INHBE: variants seen among roughly 807,000 people sequenced by gnomAD.
INHBE encodes the protein inhibin beta E chain.
Under a neutral mutation model 27.8 loss-of-function variants are expected in INHBE, and 19 were observed. The observed-to-expected ratio is 0.68, with a 90% CI of 0.48 to 1.00. The LOEUF (loss-of-function observed/expected upper bound fraction) is 1.00. Among genes scored for constraint, INHBE ranks in the 50% least tolerant of loss-of-function variants. The pLI is 0.00. For missense variants in INHBE, 398 were observed against 433.9 expected (o/e 0.92, Z 0.73); for synonymous variants, 196 against 187.2 (o/e 1.05, Z -0.38).
rs1425232952 is a variant in INHBE, at chr12:57,457,912, T to C, written c.*1064T>C. On this transcript the variant is annotated 3_prime_UTR_variant, in exon 2 of 2. Coordinates refer to ENST00000266646, the MANE Select transcript of INHBE (RefSeq NM_031479.5). ...TTTCATAATAATACTAACATGTTAT[T>C]TGCCTTTTGAATTCTCATTATCTTA... 6.6e-6 allele frequency: 1 copy of C among 152,246 alleles called. No individual in the cohort carries two copies. Among genetic ancestry groups the C allele is most frequent in the African/African-American group, 2.4e-5 (1 of 41,460 alleles). The allele number at this position is 152,246 out of a possible 1,614,324, so 9.4% of individuals were successfully genotyped here.
At position 57,456,982 on chromosome 12, in the gene INHBE, C is replaced by A; in HGVS notation, c.*134C>A. 1 of 1,019,552 alleles carries A rather than the reference C, an allele frequency of 9.8e-7. No homozygotes were observed. Among genetic ancestry groups the A allele is most frequent in the Non-Finnish European group, 1.4e-6 (1 of 706,658 alleles). The allele number at this position is 1,019,552 out of a possible 1,614,324, so 63.2% of individuals were successfully genotyped here. On this transcript the variant is annotated 3_prime_UTR_variant, in exon 2 of 2. Coordinates refer to ENST00000266646, the MANE Select transcript of INHBE (RefSeq NM_031479.5). ...CCACCTGGCAATATGACTCACTTGA[C>A]CCCTATGGGACCCAAATGGGCACTT...
rs1215429419 is a variant in INHBE at position 57,457,419 on chromosome 12, A to G, written c.*571A>G. On this transcript the variant is annotated 3_prime_UTR_variant, in exon 2 of 2. Coordinates refer to ENST00000266646, the MANE Select transcript of INHBE (RefSeq NM_031479.5). ...TCCCTGGTTTTTCCCAGGGGACAGG[A>G]CCCACTGGGAGACAAGCATTTATAC... 2.0e-5 allele frequency: 3 copies of G among 152,270 alleles called. No homozygotes were observed. Among genetic ancestry groups the G allele is most frequent in the African/African-American group, 7.3e-5 (3 of 41,370 alleles). 9.4% of individuals were successfully genotyped at this position (152,270 alleles called of 1,614,324 possible). A position where few individuals can be genotyped will look rare whatever the true frequency, so the allele number is the denominator to read the frequency against.
chr12:57,455,827 T>C lies in INHBE; in HGVS notation c.291T>C (p.Thr97=), dbSNP rs1870815690. 6 of 1,613,424 alleles carry C rather than the reference T, an allele frequency of 3.7e-6. No homozygotes were observed. Among genetic ancestry groups the C allele is most frequent in the Non-Finnish European group, 5.1e-6 (6 of 1,179,704 alleles). Reference sequence around the variant, plus strand: ...GGGAGGAGGTCATCAGCTTTGCTACTGTCACAGGTGGGTGAGGGAGAGAGC... The same window carrying C: ...GGGAGGAGGTCATCAGCTTTGCTACCGTCACAGGTGGGTGAGGGAGAGAGC... ...GNGEEVISFA[T]VTDSTSAYSS... is the part of the protein sequence containing the mutation. The change falls in exon 1 of 2, where the codon ACT becomes ACC. Residue 97 remains threonine (T), a synonymous_variant. Coordinates refer to ENST00000266646, the MANE Select transcript of INHBE (RefSeq NM_031479.5).
In INHBE at chr12:57,455,484, A is replaced by G; in HGVS notation, c.-53A>G. 2.6e-6 allele frequency: 4 copies of G among 1,541,424 alleles called. No homozygotes were observed. In the Admixed American group the frequency reaches 7.1e-5, roughly 28 times the overall value. On this transcript the variant is annotated 5_prime_UTR_variant, in exon 1 of 2. Coordinates refer to ENST00000266646, the MANE Select transcript of INHBE (RefSeq NM_031479.5). ...TTGGCCCCCAGCAATCAGACTCAAC[A>G]GACGGAGCAACTGCCATCCGAGGCT...
rs778794069 is a variant in INHBE, at chr12:57,456,695, C to A, written c.900C>A (p.Ser300Arg). The change falls in exon 2 of 2, where the codon AGC becomes AGA. Residue 300 changes from serine (S) to arginine (R), a missense_variant. Ser to Arg is a moderately radical substitution (Grantham distance 110). Coordinates refer to ENST00000266646, the MANE Select transcript of INHBE (RefSeq NM_031479.5). The stretch of plus-strand genomic sequence containing the variant: ...CCTCTTTCCATTCTGCCGTCTTCAG[C>A]CTCCTCAAAGCCAACAATCCTTGGC... ...IAASFHSAVF[S>R]LLKANNPWPA... The A allele has an allele frequency of 5.6e-6, 9 of 1,614,134 alleles. No homozygotes were observed. Among genetic ancestry groups the A allele is most frequent in the Non-Finnish European group, 6.8e-6 (8 of 1,180,050 alleles).
rs369380744 is a variant in INHBE at position 57,456,258 on chromosome 12, C to G, written c.463C>G (p.Arg155Gly). ...ACCAAGGAGGAGGCGCCAAGGGTCCCGCACTCTCCTGGCTGAGCACCACAT... is the reference window on the plus strand; with the variant it reads ...ACCAAGGAGGAGGCGCCAAGGGTCCGGCACTCTCCTGGCTGAGCACCACAT... Reference protein sequence around the residue: ...WGPRRRRQGSRTLLAEHHITN... With the variant: ...WGPRRRRQGSGTLLAEHHITN... The change falls in exon 2 of 2, where the codon CGC becomes GGC. Residue 155 changes from arginine to glycine, a missense_variant. Transcript: ENST00000266646. 3 of 1,614,008 alleles carry G rather than the reference C, an allele frequency of 1.9e-6. No individual in the cohort carries two copies. Among genetic ancestry groups the G allele is most frequent in the African/African-American group, 2.7e-5 (2 of 74,894 alleles).
Position 57,457,760 on chromosome 12 carries a change from AAG to A in INHBE, c.*914_*915del, listed in dbSNP as rs1870871521. ...TTATACTTTCTTAATAAAAAGGAGA[AAG>A]AAAATCAACAAATGTGAGTCATAAA... On this transcript the variant is annotated 3_prime_UTR_variant, in exon 2 of 2. Transcript: ENST00000266646. The A allele has an allele frequency of 6.6e-6, 1 of 152,232 alleles. No individual in the cohort carries two copies. 9.4% of individuals were successfully genotyped at this position (152,232 alleles called of 1,614,324 possible).
rs138434960 is a variant in INHBE at position 57,457,189 on chromosome 12, T to G, written c.*341T>G. 2.7e-3 allele frequency: 683 copies of G among 253,540 alleles called. 5 individuals are homozygous for G. Among genetic ancestry groups the G allele is most frequent in the African/African-American group, 0.015 (650 of 44,596 alleles). 15.7% of individuals were successfully genotyped at this position (253,540 alleles called of 1,614,324 possible). A position where few individuals can be genotyped will look rare whatever the true frequency, so the allele number is the denominator to read the frequency against. On this transcript the variant is annotated 3_prime_UTR_variant, in exon 2 of 2. Transcript: ENST00000266646. ...AAAAATTACTTAGCCTCTCCCAAGA[T>G]GAGAAAGTCCTCAAGTGAGGGGAGG...
At position 57,456,321 on chromosome 12, in the gene INHBE, A is replaced by G; in HGVS notation, c.526A>G (p.Ser176Gly). 3 of 1,614,092 alleles carry G rather than the reference A, an allele frequency of 1.9e-6. No homozygotes were observed. Among genetic ancestry groups the G allele is most frequent in the Middle Eastern group, 1.6e-4 (1 of 6,062 alleles). ...CTGGCATACCTTAACTCTGCCCTCT[A>G]GTGGCTTGAGGGGTGAGAAGTCTGG... ...LGWHTLTLPS[S>G]GLRGEKSGVL... The change falls in exon 2 of 2, where the codon AGT becomes GGT. Residue 176 changes from serine (S) to glycine (G), a missense_variant. By Grantham distance (56) the Ser-to-Gly change is moderately conservative (BLOSUM62 0). Transcript: ENST00000266646.
rs982068401 is a variant in INHBE, at chr12:57,457,416, A to T, written c.*568A>T. Reference sequence around the variant, plus strand: ...AGTTCCCTGGTTTTTCCCAGGGGACAGGACCCACTGGGAGACAAGCATTTA... The same window carrying T: ...AGTTCCCTGGTTTTTCCCAGGGGACTGGACCCACTGGGAGACAAGCATTTA... On this transcript the variant is annotated 3_prime_UTR_variant, in exon 2 of 2. Transcript: ENST00000266646. The T allele has an allele frequency of 6.6e-6, 1 of 152,516 alleles. No individual in the cohort carries two copies. The allele number at this position is 152,516 out of a possible 1,614,324, so 9.4% of individuals were successfully genotyped here. A position where few individuals can be genotyped will look rare whatever the true frequency, so the allele number is the denominator to read the frequency against.
rs762954929 is a variant in INHBE, at chr12:57,455,695, T to G, written c.159T>G (p.Asp53Glu). 1 of 1,614,028 alleles carries G rather than the reference T, an allele frequency of 6.2e-7. No homozygotes were observed. Among genetic ancestry groups the G allele is most frequent in the East Asian group, 2.2e-5 (1 of 44,866 alleles). Residue 53 changes from aspartate (D) to glutamate (E), a missense_variant, in exon 1 of 2, where the codon GAT becomes GAG. By Grantham distance (45) the Asp-to-Glu change is conservative. Coordinates refer to ENST00000266646, the MANE Select transcript of INHBE (RefSeq NM_031479.5). Reference sequence around the variant, plus strand: ...AGCTAGCCAAGCAGCAAATCCTGGATGGGTTGCACCTGACCAGTCGTCCCA... The same window carrying G: ...AGCTAGCCAAGCAGCAAATCCTGGAGGGGTTGCACCTGACCAGTCGTCCCA... ...VLELAKQQIL[D>E]GLHLTSRPRI...
Position 57,455,720 on chromosome 12 carries a change from A to G in INHBE, c.184A>G (p.Arg62Gly). 3 of 1,614,076 alleles carry G rather than the reference A, an allele frequency of 1.9e-6. No individual in the cohort carries two copies. Among genetic ancestry groups the G allele is most frequent in the South Asian group, 2.2e-5 (2 of 91,070 alleles). The change falls in exon 1 of 2, where the codon AGA becomes GGA. Residue 62 changes from arginine to glycine, a missense_variant. Physicochemically the swap from Arg to Gly is moderately radical, Grantham distance 125 (BLOSUM62 -2). Coordinates refer to ENST00000266646, the MANE Select transcript of INHBE (RefSeq NM_031479.5). ...LDGLHLTSRP[R>G]ITHPPPQAAL... ...TGGGTTGCACCTGACCAGTCGTCCCAGAATAACTCATCCTCCACCCCAGGC... is the reference window on the plus strand; with the variant it reads ...TGGGTTGCACCTGACCAGTCGTCCCGGAATAACTCATCCTCCACCCCAGGC...
rs1226899341 is a variant in INHBE, at chr12:57,457,819, T to C, written c.*971T>C. 1.3e-5 allele frequency: 2 copies of C among 152,224 alleles called. No homozygotes were observed. The highest frequency in any genetic ancestry group is 2.9e-5 in the Non-Finnish European group (2 of 68,038). The allele number at this position is 152,224 out of a possible 1,614,324, so 9.4% of individuals were successfully genotyped here. A position where few individuals can be genotyped will look rare whatever the true frequency, so the allele number is the denominator to read the frequency against. On this transcript the variant is annotated 3_prime_UTR_variant, in exon 2 of 2. Coordinates refer to ENST00000266646, the MANE Select transcript of INHBE (RefSeq NM_031479.5). Reference sequence around the variant, plus strand: ...TTAGGGTGATGGTCCAGAGCAACAGTTCTTCAAGTGTACTCTGTAGGCTTC... The same window carrying C: ...TTAGGGTGATGGTCCAGAGCAACAGCTCTTCAAGTGTACTCTGTAGGCTTC...
Position 57,456,951 on chromosome 12 carries a change from C to A in INHBE, c.*103C>A, listed in dbSNP as rs1594735306. On this transcript the variant is annotated 3_prime_UTR_variant, in exon 2 of 2. Transcript: ENST00000266646. ...CAGATTCCTGATCCACACCCCAACC[C>A]AACAACCACCTGGCAATATGACTCA... 7.7e-7 allele frequency: 1 copy of A among 1,304,348 alleles called. No homozygotes were observed. The highest frequency in any genetic ancestry group is 1.1e-6 in the Non-Finnish European group (1 of 951,350). 80.8% of individuals were successfully genotyped at this position (1,304,348 alleles called of 1,614,324 possible).
At position 57,455,818 on chromosome 12, in the gene INHBE, C is replaced by G. The variant is rs1478839597; in HGVS notation, c.282C>G (p.Ser94Arg). ...VAPGNGEEVI[S>R]FATVTDSTSA... ...CAGGGAATGGGGAGGAGGTCATCAG[C>G]TTTGCTACTGTCACAGGTGGGTGAG... The change falls in exon 1 of 2, where the codon AGC (serine) becomes AGG (arginine). Residue 94 changes from serine (S) to arginine (R), a missense_variant. Coordinates refer to ENST00000266646, the MANE Select transcript of INHBE (RefSeq NM_031479.5). 6.2e-7 allele frequency: 1 copy of G among 1,613,876 alleles called. No homozygotes were observed. The highest frequency in any genetic ancestry group is 1.3e-5 in the African/African-American group (1 of 75,024).
Position 57,456,513 on chromosome 12 carries a change from T to A in INHBE, c.718T>A (p.Cys240Ser). The A allele has an allele frequency of 6.2e-7, 1 of 1,614,128 alleles. No homozygotes were observed. The highest frequency in any genetic ancestry group is 8.5e-7 in the Non-Finnish European group (1 of 1,180,012). The change falls in exon 2 of 2, where the codon TGT (cysteine) becomes AGT (serine). Residue 240 changes from cysteine (C) to serine (S), a missense_variant. By Grantham distance (112) the Cys-to-Ser change is moderately radical (BLOSUM62 -1). Coordinates refer to ENST00000266646, the MANE Select transcript of INHBE (RefSeq NM_031479.5). ...AGRARRRTPT[C>S]EPATPLCCRR... Reference sequence around the variant, plus strand: ...CCGGGCCAGGAGGAGGACCCCCACCTGTGAGCCTGCGACCCCCTTATGTTG... The same window carrying A: ...CCGGGCCAGGAGGAGGACCCCCACCAGTGAGCCTGCGACCCCCTTATGTTG...
rs765129067 is a variant in INHBE at position 57,455,587 on chromosome 12, G to A, written c.51G>A (p.Val17=). 2.5e-6 allele frequency: 4 copies of A among 1,613,866 alleles called. No homozygotes were observed. The highest frequency in any genetic ancestry group is 1.1e-5 in the South Asian group (1 of 91,068). The change falls in exon 1 of 2, where the codon GTG becomes GTA. Residue 17 remains valine, a synonymous_variant. Coordinates refer to ENST00000266646, the MANE Select transcript of INHBE (RefSeq NM_031479.5). ...QLWLVLLWAL[V]RAQGTGSVCP... is the part of the protein sequence containing the mutation. ...GGCTGGTGCTGCTGTGGGCACTGGTGCGAGCACAGGGGACAGGGTCTGTGT... is the reference window on the plus strand; with the variant it reads ...GGCTGGTGCTGCTGTGGGCACTGGTACGAGCACAGGGGACAGGGTCTGTGT...
Position 57,456,752 on chromosome 12 carries a change from C to A in INHBE, c.957C>A (p.Ala319=). The A allele has an allele frequency of 6.2e-7, 1 of 1,614,216 alleles. No homozygotes were observed. The highest frequency in any genetic ancestry group is 8.5e-7 in the Non-Finnish European group (1 of 1,180,044). ...PASTSCCVPT[A]RRPLSLLYLD... ...GTACCTCCTGTTGTGTCCCTACTGC[C>A]CGAAGGCCCCTCTCTCTCCTCTACC... is the stretch of plus-strand genomic sequence containing the variant. Residue 319 remains alanine (A), a synonymous_variant, in exon 2 of 2, where the codon GCC becomes GCA. Coordinates refer to ENST00000266646, the MANE Select transcript of INHBE (RefSeq NM_031479.5).
Position 57,455,817 on chromosome 12 carries a change from G to C in INHBE, c.281G>C (p.Ser94Thr). The C allele has an allele frequency of 6.2e-7, 1 of 1,613,912 alleles. No individual in the cohort carries two copies. The part of the protein sequence containing the change: ...VAPGNGEEVI[S>T]FATVTDSTSA... Reference sequence around the variant, plus strand: ...CCAGGGAATGGGGAGGAGGTCATCAGCTTTGCTACTGTCACAGGTGGGTGA... The same window carrying C: ...CCAGGGAATGGGGAGGAGGTCATCACCTTTGCTACTGTCACAGGTGGGTGA... The change falls in exon 1 of 2, where the codon AGC (serine) becomes ACC (threonine). Residue 94 changes from serine to threonine, a missense_variant. By Grantham distance (58) the Ser-to-Thr change is moderately conservative. Coordinates refer to ENST00000266646, the MANE Select transcript of INHBE (RefSeq NM_031479.5).
Sources: allele counts gnomAD v4.1 joint callset, GRCh38; gene constraint gnomAD v4.1.1; transcripts MANE v1.5; gene names NCBI Gene and HGNC (gene_info 2026-07-23, HGNC 2026-07-21).